The following NRG1 variants were observed in gnomAD, a reference collection of about 807,000 sequenced individuals.
NRG1 encodes neuregulin 1.
In NRG1, 18 loss-of-function variants were observed where a neutral mutation model predicts 63.8. The observed-to-expected ratio is 0.28, with a 90% confidence interval of 0.19 to 0.42. NRG1 has a LOEUF of 0.42. Ranked by LOEUF, NRG1 falls within the 10% of genes least tolerant of loss-of-function variation. The pLI, the probability that NRG1 is intolerant of heterozygous loss-of-function variation, is 1.00. For missense variants in NRG1, 762 were observed against 814.7 expected (o/e 0.94, Z 0.79); for synonymous variants, 302 against 301.3 (o/e 1.00, Z -0.02).
At chr8:32,426,876 G>C (rs1420981534) in intron 1 of NRG1, among the ~76,000 whole-genome samples, 2 of 152,136 alleles carry the variant, frequency 1.3e-5, no homozygotes, top group Non-Finnish European at 2.9e-5. Context: ...GCTGTTTCCT[G>C]TCTTGAAGAC....
intron 1 of NRG1, among the ~76,000 whole-genome samples, chr8:32,436,142 G>A (rs989869213): frequency 6.6e-6 from 1 of 152,278 alleles, no homozygotes; most frequent in East Asian, 1.9e-4. Context: ...CAAGCATGGT[G>A]GAAAGTGACA....
At chr8:31,877,671 G>C (rs35307437) in intron 1 of NRG1, among the ~76,000 whole-genome samples, 7,556 of 152,110 alleles carry the variant, frequency 0.05, 253 homozygotes, top group Admixed American at 0.11. Flanking sequence ...ACAAATCTTT[G>C]ATCAGGAGCA....
At chr8:32,191,199 C>T (rs891191937) in intron 1 of NRG1, among the ~76,000 whole-genome samples, 3 of 152,052 alleles carry the variant, frequency 2.0e-5, no homozygotes, top group African/African-American at 7.2e-5. Context: ...ATTCTTCTGC[C>T]TCAGCCTCCT....
At chr8:32,685,544 G>A (rs73675405) in intron 5 of NRG1, among the ~76,000 whole-genome samples, 2,917 of 152,240 alleles carry the variant, frequency 0.019, 106 homozygotes, top group African/African-American at 0.067. Flanking sequence ...TTCCATTGAG[G>A]ATTGCTTATG....
At chr8:32,589,510 C>T (rs1316429159) in intron 1 of NRG1, among the ~76,000 whole-genome samples, 1 of 152,202 alleles carries the variant, frequency 6.6e-6, no homozygotes, top group Admixed American at 6.5e-5. Flanking sequence ...TAGCTGAAAG[C>T]TCATTGTTAC....
chr8:32,253,472 T>G (rs933478924), intron 1 of NRG1, among the ~76,000 whole-genome samples: 6 of 152,242 alleles, frequency 3.9e-5, no homozygotes, highest in Non-Finnish European at 7.3e-5. Context: ...TCATTGGTTC[T>G]GCTTATGTGA....
Position 32,537,195 on chromosome 8 carries a change from C to CAAAAAAAAAAAAAAAAAAAA in NRG1, c.38-58627_38-58608dup, listed in dbSNP as rs71208193. ...TCAGTGGCACAGTGAGACTCCATCT[C>CAAAAAAAAAAAAAAAAAAAA]AAAAAAAAAAAAAAAAAAAAAAAAA... On this transcript the variant is annotated intron_variant, in intron 1 of 10. Coordinates refer to the NRG1 transcript ENST00000519301. Among the ~76,000 whole-genome samples, 25 of 43,814 alleles carry CAAAAAAAAAAAAAAAAAAAA rather than the reference C, an allele frequency of 5.7e-4. 3 individuals are homozygous for CAAAAAAAAAAAAAAAAAAAA. Among genetic ancestry groups the CAAAAAAAAAAAAAAAAAAAA allele is most frequent in the African/African-American group, 6.2e-4 (6 of 9,730 alleles). The allele number at this position is 43,814 out of a possible 152,430, so 28.7% of individuals were successfully genotyped here.
intron 5 of NRG1, among the ~76,000 whole-genome samples, chr8:32,619,225 T>A (rs1163783781): frequency 3.3e-5 from 5 of 151,902 alleles, no homozygotes; most frequent in Non-Finnish European, 7.4e-5. Context: ...AGAAAAACAA[T>A]CAAACAAACA....
At chr8:32,029,366 CT>C (rs2130438144) in intron 1 of NRG1, 1 of 152,280 alleles carries the variant, frequency 6.6e-6, no homozygotes, top group Non-Finnish European at 1.5e-5. Flanking sequence ...TTGGCTTTTA[CT>C]TGCAATTCCA....
chr8:32,317,182 A>T (rs2129476422), intron 1 of NRG1, among the ~76,000 whole-genome samples: 1 of 152,334 alleles, frequency 6.6e-6, no homozygotes, highest in African/African-American at 2.4e-5. Context: ...TAAACATGTT[A>T]TCTCAGTGGG....
intron 1 of NRG1, among the ~76,000 whole-genome samples, chr8:31,732,177 G>A (rs1362634356): frequency 6.6e-6 from 1 of 152,114 alleles, no homozygotes; most frequent in East Asian, 1.9e-4. Flanking sequence ...AGGTCAGTGG[G>A]TTCGTTCCAG....
At chr8:32,743,632 G>C (rs1826888617) in intron 7 of NRG1, among the ~76,000 whole-genome samples, 1 of 135,940 alleles carries the variant, frequency 7.4e-6, no homozygotes, top group Non-Finnish European at 1.5e-5. Context: ...GGGAAGTTTG[G>C]ATAGATGTTC....
chr8:32,250,383 G>A (rs1364743044), intron 1 of NRG1, among the ~76,000 whole-genome samples: 1 of 152,072 alleles, frequency 6.6e-6, no homozygotes, highest in East Asian at 1.9e-4. Context: ...GTCTACATTA[G>A]TGGATCACAG....
chr8:32,643,583 C>T (rs1444102789), intron 5 of NRG1, among the ~76,000 whole-genome samples: 1 of 152,182 alleles, frequency 6.6e-6, no homozygotes, highest in Non-Finnish European at 1.5e-5. Flanking sequence ...AGCGGAAGAA[C>T]CACTCAGCTG....
At chr8:32,469,114 G>C (rs575743897) in intron 1 of NRG1, among the ~76,000 whole-genome samples, 1 of 152,308 alleles carries the variant, frequency 6.6e-6, no homozygotes, top group African/African-American at 2.4e-5. Context: ...TGAACGTGGT[G>C]CAGGAATAAC....
intron 5 of NRG1, among the ~76,000 whole-genome samples, chr8:32,663,029 A>G (rs1001943029): frequency 2.0e-5 from 3 of 152,176 alleles, no homozygotes; most frequent in Non-Finnish European, 4.4e-5. Flanking sequence ...TGCCTAGACT[A>G]CTCGGTAACA....
chr8:32,264,744 A>C (rs1586493008), intron 1 of NRG1, among the ~76,000 whole-genome samples: 1 of 152,192 alleles, frequency 6.6e-6, no homozygotes, highest in Non-Finnish European at 1.5e-5. Flanking sequence ...AGACTAAAAA[A>C]GCTAACTGTG....
intron 9 of NRG1, among the ~76,000 whole-genome samples, chr8:32,757,051 C>A (rs531688650): frequency 6.6e-6 from 1 of 152,312 alleles, no homozygotes; most frequent in South Asian, 2.1e-4. Context: ...AAACACCCTT[C>A]TCAGTAGCAA....
intron 1 of NRG1, among the ~76,000 whole-genome samples, chr8:32,443,780 T>G (rs1329689630): frequency 3.3e-5 from 5 of 152,166 alleles, no homozygotes; most frequent in African/African-American, 1.2e-4. Context: ...ATGTCTTGCA[T>G]TTACTAGAAA....
Sources: gnomAD v4.1 joint callset for allele counts (sites outside exome capture counted in the v4.1 genomes callset) on GRCh38, gnomAD v4.1.1 for gene constraint, MANE v1.5 for transcripts, NCBI Gene and HGNC (gene_info 2026-07-23, HGNC 2026-07-21) for gene names.